PIK3CB: variants seen among roughly 807,000 people sequenced by gnomAD.
PIK3CB encodes the protein phosphatidylinositol 4,5-bisphosphate 3-kinase catalytic subunit beta isoform.
A neutral mutation model predicts 136.8 loss-of-function variants in PIK3CB; 39 were observed. That is an observed-to-expected ratio of 0.29 (90% CI 0.22 to 0.37). PIK3CB has a LOEUF of 0.37. PIK3CB is among the 10% of genes least tolerant of loss of function. The probability of loss-of-function intolerance (pLI) is 1.00; values close to 1 mark genes in which losing one functional copy is unlikely to be tolerated. For synonymous variants in PIK3CB, 428 were observed against 436.6 expected, an observed-to-expected ratio of 0.98 and a Z score of 0.25; for missense variants, 868 against 1,275.4, an observed-to-expected ratio of 0.68 and a Z score of 4.87.
intron 4 of PIK3CB, among the ~76,000 whole-genome samples, chr3:138,752,774 G>A (rs1463284693): frequency 6.6e-6 from 1 of 151,938 alleles, no homozygotes; most frequent in African/African-American, 2.4e-5. Context: ...CTATGCTATG[G>A]TAGGATAAAA....
intron 2 of PIK3CB, among the ~76,000 whole-genome samples, chr3:138,765,679 C>CAAA (rs34550458): frequency 5.0e-5 from 6 of 119,222 alleles, no homozygotes; most frequent in African/African-American, 1.0e-4. Context: ...CCCCTCTCTT[C>CAAA]AAAAAAAAAA....
At chr3:138,818,230 C>T (rs2108892276) in intron 1 of PIK3CB, among the ~76,000 whole-genome samples, 1 of 152,244 alleles carries the variant, frequency 6.6e-6, no homozygotes, top group Non-Finnish European at 1.5e-5. Context: ...TTATTCACTG[C>T]CTCCAGCCTG....
intron 10 of PIK3CB, chr3:138,707,577 A>G (rs547624976): frequency 8.6e-7 from 1 of 1,156,078 alleles, no homozygotes; most frequent in Admixed American, 4.9e-5. Flanking sequence ...TTTAATTGGA[A>G]CTGCTCTCTC....
rs186612301 is a variant in PIK3CB at position 138,669,516 on chromosome 3, G to A, written c.2505-4313C>T. On this transcript the variant is annotated intron_variant, in intron 19 of 23. Coordinates refer to ENST00000674063, the MANE Select transcript of PIK3CB (RefSeq NM_006219.3). ...AACTGTCAAAAAATTGATTTCACAT[G>A]TATTTGTTGGGGTAGAGTGGGGGTG... 3.4e-3 allele frequency among the ~76,000 whole-genome samples: 523 copies of A among 151,638 alleles called. 4 individuals are homozygous for A. Among genetic ancestry groups the A allele is most frequent in the South Asian group, 0.014 (66 of 4,796 alleles).
chr3:138,706,233 A>AT (rs2044375571), intron 11 of PIK3CB, among the ~76,000 whole-genome samples: 1 of 152,180 alleles, frequency 6.6e-6, no homozygotes, highest in African/African-American at 2.4e-5. Flanking sequence ...GAAATACTCC[A>AT]TTTTTTAAAA....
chr3:138,727,266 G>A (rs1417950320), intron 8 of PIK3CB, among the ~76,000 whole-genome samples: 1 of 152,174 alleles, frequency 6.6e-6, no homozygotes, highest in African/African-American at 2.4e-5. Context: ...AAATACGATG[G>A]ATTAGACGCC....
intron 2 of PIK3CB, among the ~76,000 whole-genome samples, chr3:138,780,187 C>T (rs4894351): frequency 0.6 from 91,086 of 151,982 alleles, 28,123 homozygotes; most frequent in East Asian, 0.99. Context: ...CTCGAACTCC[C>T]GACCTCAAGT....
chr3:138,827,918 G>GC (rs1424661053), intron 1 of PIK3CB, among the ~76,000 whole-genome samples: 1 of 151,570 alleles, frequency 6.6e-6, no homozygotes, highest in Non-Finnish European at 1.5e-5. Context: ...AACCTGGGAG[G>GC]CGGAGCTTGA....
intron 21 of PIK3CB, among the ~76,000 whole-genome samples, chr3:138,660,780 A>G (rs2043282234): frequency 6.6e-6 from 1 of 152,272 alleles, no homozygotes; most frequent in African/African-American, 2.4e-5. Context: ...ATGAAGACAT[A>G]CTTCAAAACA....
At chr3:138,812,655 G>C (rs1178929976) in intron 1 of PIK3CB, among the ~76,000 whole-genome samples, 1 of 151,952 alleles carries the variant, frequency 6.6e-6, no homozygotes, top group Non-Finnish European at 1.5e-5. Flanking sequence ...AGCCTCCCAA[G>C]TAGCTGGGAT....
chr3:138,830,651 G>C (rs1161887230), intron 1 of PIK3CB, among the ~76,000 whole-genome samples: 1 of 152,006 alleles, frequency 6.6e-6, no homozygotes, highest in Non-Finnish European at 1.5e-5. Flanking sequence ...TGTAATCCCA[G>C]CACTTTGGGA....
chr3:138,790,881 T>G (rs1021681779), intron 2 of PIK3CB, among the ~76,000 whole-genome samples: 22 of 151,116 alleles, frequency 1.5e-4, no homozygotes, highest in Non-Finnish European at 4.4e-5. Context: ...GAGAATCACT[T>G]GAACCTGGGA....
At chr3:138,772,196 T>G (rs995813124) in intron 2 of PIK3CB, among the ~76,000 whole-genome samples, 10 of 152,104 alleles carry the variant, frequency 6.6e-5, no homozygotes, top group Non-Finnish European at 1.0e-4. Flanking sequence ...CACATTAGAA[T>G]TAGAACTGTG....
chr3:138,714,903 T>C (rs1007023723), intron 8 of PIK3CB, among the ~76,000 whole-genome samples, 184 bp from the exon 9 acceptor site: 2 of 152,088 alleles, frequency 1.3e-5, no homozygotes, highest in African/African-American at 4.8e-5. Context: ...ACCACTAGAG[T>C]GTAATTAACC....
intron 19 of PIK3CB, among the ~76,000 whole-genome samples, chr3:138,667,794 C>T (rs1419241930): frequency 2.0e-5 from 3 of 151,756 alleles, no homozygotes; most frequent in East Asian, 2.0e-4. Context: ...CATCCGGGCA[C>T]GGTGGCTCAT....
At chr3:138,743,292 T>C (rs532016802) in intron 4 of PIK3CB, among the ~76,000 whole-genome samples, 114 of 152,292 alleles carry the variant, frequency 7.5e-4, no homozygotes, top group Non-Finnish European at 1.2e-3. Context: ...AAAATCTCTG[T>C]ATCTTCCTCT....
intron 2 of PIK3CB, among the ~76,000 whole-genome samples, chr3:138,761,398 G>GTGGAAGGA (rs2045660140): frequency 6.6e-6 from 1 of 152,212 alleles, no homozygotes; most frequent in South Asian, 2.1e-4. Flanking sequence ...GAAGAAGATG[G>GTGGAAGGA]TGGAAGGACT....
chr3:138,711,359 C>T (rs1169590668), intron 10 of PIK3CB, among the ~76,000 whole-genome samples: 1 of 151,894 alleles, frequency 6.6e-6, no homozygotes, highest in Non-Finnish European at 1.5e-5. Context: ...GTGGGCGGAT[C>T]ACCTGAGGTC....
At chr3:138,820,659 A>T (rs1263269782) in intron 1 of PIK3CB, among the ~76,000 whole-genome samples, 1 of 152,012 alleles carries the variant, frequency 6.6e-6, no homozygotes, top group Non-Finnish European at 1.5e-5. Flanking sequence ...ACACCTGGCT[A>T]ATTTTTGTAC....
Sources: allele counts gnomAD v4.1 joint callset (sites outside exome capture counted in the v4.1 genomes callset), GRCh38; gene constraint gnomAD v4.1.1; transcripts MANE v1.5; gene names NCBI Gene and HGNC (gene_info 2026-07-23, HGNC 2026-07-21).